SEMA3D: variants seen among roughly 807,000 people sequenced by gnomAD.
SEMA3D encodes semaphorin-3D.
SEMA3D carries 84 observed loss-of-function variants against 100.1 expected under a neutral mutation model. The ratio of observed to expected loss-of-function variants is 0.84; its 90% CI spans 0.70 to 1.01. SEMA3D has a LOEUF of 1.01. Among genes scored for constraint, SEMA3D ranks in the 50% least tolerant of loss-of-function variants. The pLI is 0.00. For synonymous variants in SEMA3D, 312 were observed against 320.7 expected, an observed-to-expected ratio of 0.97 and a Z score of 0.29; for missense variants, 875 against 934.1, an observed-to-expected ratio of 0.94 and a Z score of 0.82.
chr7:85,203,479 C>CTA, the SEMA3D span, among the ~76,000 whole-genome samples: 1 of 152,076 alleles, frequency 6.6e-6, no homozygotes, highest in Non-Finnish European at 1.5e-5. Context: ...ACAGGCTTAA[C>CTA]TATATGAATA....
At chr7:85,194,853 T>C in the SEMA3D span, among the ~76,000 whole-genome samples, 1 of 152,170 alleles carries the variant, frequency 6.6e-6, no homozygotes, top group Non-Finnish European at 1.5e-5. Context: ...TTTTCCATCA[T>C]CTTTCGTGTG....
rs188752772 is a variant in SEMA3D at position 85,105,400 on chromosome 7, C to A, written c.152-7435G>T. ...TCTTAACTTGGCATCAGCTGACCTC[C>A]AATATGCTTTCTGAGGCTTGAGATC... On this transcript the variant is annotated intron_variant, in intron 3 of 18. Coordinates refer to ENST00000284136, the MANE Select transcript of SEMA3D (RefSeq NM_001384900.1). Among the ~76,000 whole-genome samples, 4 of 152,118 alleles carry A rather than the reference C, an allele frequency of 2.6e-5. No homozygotes were observed. In the East Asian group the frequency reaches 7.8e-4, roughly 30 times the overall value.
chr7:85,019,101 T>G (rs1040374775), intron 14 of SEMA3D, among the ~76,000 whole-genome samples: 26 of 151,786 alleles, frequency 1.7e-4, no homozygotes, highest in Non-Finnish European at 7.4e-5. Flanking sequence ...TCAAATTATA[T>G]ACATACAATA....
At chr7:85,149,184 C>G (rs1266011521) in intron 2 of SEMA3D, among the ~76,000 whole-genome samples, 2 of 152,068 alleles carry the variant, frequency 1.3e-5, no homozygotes, top group African/African-American at 2.4e-5. Context: ...GTGGCTCATG[C>G]CTGTAATCTC....
chr7:85,027,849 G>T, intron 12 of SEMA3D: 1 of 538,936 alleles, frequency 1.9e-6, no homozygotes, highest in Non-Finnish European at 3.6e-6. Flanking sequence ...ACCTGCAATT[G>T]GTATTGATCT....
intron 2 of SEMA3D, among the ~76,000 whole-genome samples, chr7:85,148,766 A>T (rs951991033): frequency 6.6e-6 from 1 of 151,878 alleles, no homozygotes; most frequent in Non-Finnish European, 1.5e-5. Context: ...ACATCAGATA[A>T]TGTCTCTAAT....
rs747517220 is a variant in SEMA3D at position 85,098,011 on chromosome 7, G to C, written c.152-46C>G. 4 of 930,194 alleles carry C rather than the reference G, an allele frequency of 4.3e-6. No homozygotes were observed. The African/African-American group carries it at 7.5e-5, about 17-fold the overall frequency. 57.6% of individuals were successfully genotyped at this position (930,194 alleles called of 1,614,324 possible). A position where few individuals can be genotyped will look rare whatever the true frequency, so the allele number is the denominator to read the frequency against. ...AAAGAAAGGAGAAAGAAAAAAGAAA[G>C]AAAGAAAGAGAAAGAAAGGAGAGAA... On this transcript the variant is annotated intron_variant, in intron 3 of 18. Transcript: ENST00000284136.
chr7:85,226,839 G>C, the SEMA3D span, among the ~76,000 whole-genome samples: 1 of 152,082 alleles, frequency 6.6e-6, no homozygotes, highest in Non-Finnish European at 1.5e-5. Context: ...TCTTCAAAGT[G>C]CATGCCACGT....
At chr7:85,076,676 C>A (rs1756204970) in intron 5 of SEMA3D, among the ~76,000 whole-genome samples, 1 of 152,062 alleles carries the variant, frequency 6.6e-6, no homozygotes, top group South Asian at 2.1e-4. Flanking sequence ...ATGTGTGTTG[C>A]AGAATATTGT....
At chr7:85,109,222 A>C (rs1417966037) in intron 3 of SEMA3D, among the ~76,000 whole-genome samples, 1 of 151,966 alleles carries the variant, frequency 6.6e-6, no homozygotes, top group Non-Finnish European at 1.5e-5. Flanking sequence ...AGATGAGAAA[A>C]CCTAGACTCA....
intron 6 of SEMA3D, among the ~76,000 whole-genome samples, chr7:85,070,849 T>G (rs1351965934): frequency 6.6e-6 from 1 of 152,164 alleles, no homozygotes; most frequent in Non-Finnish European, 1.5e-5. Flanking sequence ...GGCACAAGCT[T>G]GGCTCACTGC....
chr7:85,160,003 C>T (rs1790702750), intron 1 of SEMA3D: 1 of 977,292 alleles, frequency 1.0e-6, no homozygotes, highest in Non-Finnish European at 1.2e-6. Flanking sequence ...CCACATCTCT[C>T]CATGAACTAT....
intron 3 of SEMA3D, among the ~76,000 whole-genome samples, chr7:85,115,576 A>G (rs1789215832): frequency 6.6e-6 from 1 of 151,774 alleles, no homozygotes; most frequent in Non-Finnish European, 1.5e-5. Context: ...ATCTTTTTTT[A>G]TTCCTTGGAT....
chr7:85,066,178 G>C (rs761525302), intron 7 of SEMA3D, among the ~76,000 whole-genome samples: 3 of 152,114 alleles, frequency 2.0e-5, no homozygotes, highest in Non-Finnish European at 4.4e-5. Flanking sequence ...TGCTATTTGT[G>C]TAAAGTACAT....
At chr7:85,128,160 T>G (rs1470160612) in intron 2 of SEMA3D, among the ~76,000 whole-genome samples, 3 of 151,400 alleles carry the variant, frequency 2.0e-5, no homozygotes, top group Non-Finnish European at 4.4e-5. Flanking sequence ...TTATTTTATT[T>G]TATTATTTTA....
intron 3 of SEMA3D, among the ~76,000 whole-genome samples, chr7:85,110,469 G>A (rs1789062021): frequency 6.6e-6 from 1 of 151,642 alleles, no homozygotes; most frequent in Admixed American, 6.6e-5. Flanking sequence ...AACATATATA[G>A]TGCCTACAGC....
At chr7:85,026,761 A>G (rs1262337808) in intron 12 of SEMA3D, among the ~76,000 whole-genome samples, 1 of 152,086 alleles carries the variant, frequency 6.6e-6, no homozygotes, top group Non-Finnish European at 1.5e-5. Context: ...TAAGAAATAC[A>G]TATATTCTGA....
intron 4 of SEMA3D, 47 bp downstream of exon 4, chr7:85,097,758 G>A (rs1455160041): frequency 1.6e-6 from 2 of 1,219,860 alleles, no homozygotes; most frequent in East Asian, 2.4e-5. Context: ...GAAGAAGAGA[G>A]ATGAAAATAA....
At position 85,020,255 on chromosome 7, in the gene SEMA3D, A is replaced by C; in HGVS notation, c.1481T>G (p.Leu494Arg). ...KEKWNMEEVV[L>R]EELQIFKHSS... is the part of the protein sequence containing the mutation. ...TACCTTGAATATCTGCAACTCCTCCAGCACTACCTCTTCCATATTCCACTT... is the reference window on the plus strand; with the variant it reads ...TACCTTGAATATCTGCAACTCCTCCCGCACTACCTCTTCCATATTCCACTT... The change falls in exon 14 of 19, where the codon CTG (leucine) becomes CGG (arginine). Residue 494 changes from leucine to arginine, a missense_variant. Physicochemically the swap from Leu to Arg is moderately radical, Grantham distance 102 (BLOSUM62 -2). Coordinates refer to ENST00000284136, the MANE Select transcript of SEMA3D (RefSeq NM_001384900.1). 1 of 1,609,480 alleles carries C rather than the reference A, an allele frequency of 6.2e-7. No homozygotes were observed. Among genetic ancestry groups the C allele is most frequent in the Non-Finnish European group, 8.5e-7 (1 of 1,176,728 alleles).
Sources: gnomAD v4.1 joint callset for allele counts (sites outside exome capture counted in the v4.1 genomes callset) on GRCh38, gnomAD v4.1.1 for gene constraint, MANE v1.5 for transcripts, NCBI Gene and HGNC (gene_info 2026-07-23, HGNC 2026-07-21) for gene names.